Variants in CCDC171 observed in about 807,000 individuals in gnomAD.
The protein encoded by CCDC171 is coiled-coil domain containing 171, also known as coiled-coil domain-containing protein 171.
In CCDC171, 177 loss-of-function variants were observed where a neutral mutation model predicts 168.2. The observed-to-expected ratio is 1.05, with a 90% CI of 0.93 to 1.19. The LOEUF is 1.19. CCDC171 is among the 50% of genes most tolerant of loss of function. CCDC171 has a pLI of 0.00. For missense variants in CCDC171, 1,991 were observed against 1,539.0 expected, an observed-to-expected ratio of 1.29 and a Z score of -4.91; for synonymous variants, 687 against 540.8, an observed-to-expected ratio of 1.27 and a Z score of -3.75.
chr9:15,623,462 T>TACGCGCGCGC (rs1554714712), intron 7 of CCDC171, 49 bp downstream of exon 7: 3 of 486,816 alleles, frequency 6.2e-6, no homozygotes, highest in Non-Finnish European at 9.3e-6. Context: ...AACTTTCACA[T>TACGCGCGCGC]ATGCGCGCGC....
intron 25 of CCDC171, among the ~76,000 whole-genome samples, chr9:15,963,395 T>G (rs1459246072): frequency 6.6e-6 from 1 of 152,206 alleles, no homozygotes; most frequent in Non-Finnish European, 1.5e-5. Flanking sequence ...AATGCTTCAG[T>G]GAACATACCT....
chr9:15,734,504 C>T (rs2054357661), intron 16 of CCDC171, among the ~76,000 whole-genome samples: 1 of 152,158 alleles, frequency 6.6e-6, no homozygotes, highest in South Asian at 2.1e-4. Context: ...CGCCATTTCA[C>T]TCCAGCCTGG....
At chr9:15,807,804 A>G (rs569729209) in intron 21 of CCDC171, among the ~76,000 whole-genome samples, 7 of 151,470 alleles carry the variant, frequency 4.6e-5, no homozygotes, top group Non-Finnish European at 8.9e-5. Flanking sequence ...GCACCTAGGT[A>G]TCTGATCTCT....
At chr9:15,562,622 T>G (rs979090084) in intron 1 of CCDC171, among the ~76,000 whole-genome samples, 1 of 152,194 alleles carries the variant, frequency 6.6e-6, no homozygotes, top group Non-Finnish European at 1.5e-5. Context: ...AAAACATGAT[T>G]AAGGCCCTAA....
chr9:15,957,157 G>A (rs1402685361), intron 25 of CCDC171, among the ~76,000 whole-genome samples: 1 of 151,902 alleles, frequency 6.6e-6, no homozygotes, highest in Non-Finnish European at 1.5e-5. Context: ...AAGAGAAGTC[G>A]TTAAACATCT....
chr9:15,591,859 A>G (rs1218114883), intron 5 of CCDC171, among the ~76,000 whole-genome samples: 1 of 152,170 alleles, frequency 6.6e-6, no homozygotes, highest in African/African-American at 2.4e-5. Context: ...TAGCAATATG[A>G]ACATTTGGAA....
In CCDC171 at chr9:15,609,618, T is replaced by A. The variant is rs562054587; in HGVS notation, c.676-13649T>A. On this transcript the variant is annotated intron_variant, in intron 6 of 25. Coordinates refer to ENST00000380701, the MANE Select transcript of CCDC171 (RefSeq NM_173550.4). Reference sequence around the variant, plus strand: ...CCGCATATTGATTTATAGTGTCATTTCCATCATACATCAAGTTCTTTTATA... The same window carrying A: ...CCGCATATTGATTTATAGTGTCATTACCATCATACATCAAGTTCTTTTATA... 1.4e-4 allele frequency among the ~76,000 whole-genome samples: 22 copies of A among 152,334 alleles called. 1 individual carries two copies. The South Asian group carries it at 2.7e-3, about 19-fold the overall frequency.
At chr9:16,064,443 G>A (rs764107358), downstream of CCDC171, among the ~76,000 whole-genome samples, 1 of 152,124 alleles carries the variant, frequency 6.6e-6, no homozygotes, top group Admixed American at 6.5e-5. Flanking sequence ...AGGAAGACGC[G>A]AGAGGAGAAA....
chr9:15,924,049 A>T (rs1322718029), intron 25 of CCDC171, among the ~76,000 whole-genome samples: 1 of 151,486 alleles, frequency 6.6e-6, no homozygotes, highest in Non-Finnish European at 1.5e-5. Flanking sequence ...ATAGATCTCT[A>T]TACACACCTT....
the CCDC171 span, among the ~76,000 whole-genome samples, chr9:16,098,826 G>A: frequency 3.9e-5 from 6 of 152,178 alleles, no homozygotes; most frequent in Non-Finnish European, 8.8e-5. Flanking sequence ...GCCAGAGAAA[G>A]CATCTAAATT....
intron 25 of CCDC171, among the ~76,000 whole-genome samples, chr9:15,941,717 G>A (rs1030625604): frequency 2.0e-5 from 3 of 151,914 alleles, no homozygotes; most frequent in Non-Finnish European, 4.4e-5. Context: ...GACAGTAGCA[G>A]CCTGAAATGC....
At chr9:15,632,792 CA>C (rs2132325782) in intron 7 of CCDC171, among the ~76,000 whole-genome samples, 1 of 152,258 alleles carries the variant, frequency 6.6e-6, no homozygotes, top group African/African-American at 2.4e-5. Flanking sequence ...CTACAGTAAC[CA>C]AAACAGTATG....
intron 21 of CCDC171, among the ~76,000 whole-genome samples, chr9:15,801,040 A>G (rs1228661298): frequency 6.6e-6 from 1 of 152,046 alleles, no homozygotes; most frequent in African/African-American, 2.4e-5. Context: ...GAAGACAGGT[A>G]ATAGGATTCC....
chr9:15,583,665 C>T (rs370913947), intron 4 of CCDC171, among the ~76,000 whole-genome samples: 65 of 152,126 alleles, frequency 4.3e-4, no homozygotes, highest in African/African-American at 1.4e-3. Context: ...AAAGACTACA[C>T]ATTGGTTACA....
At chr9:15,638,363 A>G (rs1172179134) in intron 7 of CCDC171, among the ~76,000 whole-genome samples, 1 of 152,104 alleles carries the variant, frequency 6.6e-6, no homozygotes, top group Non-Finnish European at 1.5e-5. Flanking sequence ...ATTTCTGGAG[A>G]GCATTTTATG....
chr9:15,832,530 C>A (rs908250706), intron 21 of CCDC171, among the ~76,000 whole-genome samples: 7 of 152,138 alleles, frequency 4.6e-5, no homozygotes, highest in Non-Finnish European at 1.5e-5. Context: ...GCAATTGTAA[C>A]ACAGTGGTAA....
At chr9:15,619,944 A>T (rs1367978194) in intron 6 of CCDC171, among the ~76,000 whole-genome samples, 1 of 152,192 alleles carries the variant, frequency 6.6e-6, no homozygotes, top group Non-Finnish European at 1.5e-5. Context: ...TGCTCTATAA[A>T]TGGGACAACA....
chr9:15,610,383 G>C (rs989690897), intron 6 of CCDC171, among the ~76,000 whole-genome samples: 2 of 136,724 alleles, frequency 1.5e-5, no homozygotes, highest in African/African-American at 2.8e-5. Context: ...AAGGCGGGTG[G>C]ATCACCTGAG....
chr9:15,640,207 A>G (rs1380826904), intron 7 of CCDC171, among the ~76,000 whole-genome samples: 1 of 152,166 alleles, frequency 6.6e-6, no homozygotes, highest in Non-Finnish European at 1.5e-5. Context: ...TTGGACTTCT[A>G]TGAGGGTACA....
Sources: gnomAD v4.1 joint callset for allele counts (sites outside exome capture counted in the v4.1 genomes callset) on GRCh38, gnomAD v4.1.1 for gene constraint, MANE v1.5 for transcripts, NCBI Gene and HGNC (gene_info 2026-07-23, HGNC 2026-07-21) for gene names.